KLKB1: variants seen among roughly 807,000 people sequenced by gnomAD.
The protein encoded by KLKB1 is kallikrein B1, also known as plasma kallikrein.
A neutral mutation model predicts 73.6 loss-of-function variants in KLKB1; 58 were observed. The observed-to-expected ratio is 0.79, with a 90% CI of 0.64 to 0.98. The LOEUF (loss-of-function observed/expected upper bound fraction) is 0.98, where lower values mean the gene tolerates loss of function less well. Among genes scored for constraint, KLKB1 ranks in the 50% least tolerant of loss-of-function variants. KLKB1 has a pLI of 0.00. For synonymous variants in KLKB1, 280 were observed against 258.1 expected (o/e 1.08, Z -0.81); for missense variants, 737 against 763.8 (o/e 0.96, Z 0.41).
At chr4:186,238,669 G>A (rs899121318) in intron 6 of KLKB1, among the ~76,000 whole-genome samples, 10 of 152,296 alleles carry the variant, frequency 6.6e-5, no homozygotes, top group Admixed American at 3.3e-4. Context: ...ATGAAGGTCC[G>A]TGAGCCAAGG....
chr4:186,243,992 C>T (rs963605612), intron 6 of KLKB1, among the ~76,000 whole-genome samples: 14 of 152,190 alleles, frequency 9.2e-5, no homozygotes, highest in African/African-American at 3.1e-4. Flanking sequence ...GAGATACAGT[C>T]ATGGGGGTGG....
chr4:186,228,839 A>C (rs2126624508), intron 2 of KLKB1: 1 of 152,588 alleles, frequency 6.6e-6, no homozygotes, highest in Non-Finnish European at 1.5e-5. Flanking sequence ...GGAGAATAAA[A>C]ATGATTCTGG....
At chr4:186,251,670 C>T (rs1738683098) in intron 9 of KLKB1, 21 bp downstream of exon 9, 1 of 1,612,296 alleles carries the variant, frequency 6.2e-7, no homozygotes, top group Non-Finnish European at 8.5e-7. Context: ...TTTTATTTTT[C>T]AAAGACAGTT....
upstream of KLKB1, among the ~76,000 whole-genome samples, chr4:186,226,243 T>TG (rs2126619730): frequency 2.6e-4 from 1 of 3,842 alleles, no homozygotes; most frequent in African/African-American, 4.1e-3. Context: ...TATTTTTAGC[T>TG]CTTGTCATGC....
upstream of KLKB1, among the ~76,000 whole-genome samples, chr4:186,223,290 G>A (rs1737070413): frequency 6.6e-6 from 1 of 152,340 alleles, no homozygotes; most frequent in South Asian, 2.1e-4. Context: ...ACCTGAAAAT[G>A]TGAAGGCAAC....
intron 2 of KLKB1, among the ~76,000 whole-genome samples, chr4:186,217,361 T>C (rs992526825): frequency 6.6e-6 from 1 of 152,166 alleles, no homozygotes; most frequent in Non-Finnish European, 1.5e-5. Context: ...TAAACTCTTT[T>C]CTACTGCACA....
chr4:186,224,969 G>A (rs111583670), upstream of KLKB1, among the ~76,000 whole-genome samples: 474 of 152,266 alleles, frequency 3.1e-3, no homozygotes, highest in African/African-American at 0.011. Flanking sequence ...ATGATAGTGA[G>A]GGATTTAAAA....
At chr4:186,234,548 A>AACATTCT (rs1737558037) in intron 4 of KLKB1, among the ~76,000 whole-genome samples, 1 of 152,208 alleles carries the variant, frequency 6.6e-6, no homozygotes, top group Admixed American at 6.5e-5. Context: ...AATGCTGACC[A>AACATTCT]ACATTCTACA....
At chr4:186,231,475 CT>C (rs1430714156) in intron 2 of KLKB1, among the ~76,000 whole-genome samples, 2 of 152,200 alleles carry the variant, frequency 1.3e-5, no homozygotes, top group African/African-American at 4.8e-5. Flanking sequence ...CATGCATTTG[CT>C]TAAACTGTCT....
At chr4:186,214,837 G>A (rs537396897) in intron 2 of KLKB1, among the ~76,000 whole-genome samples, 1 of 152,228 alleles carries the variant, frequency 6.6e-6, no homozygotes, top group Admixed American at 6.5e-5. Context: ...TATTTCCTTG[G>A]GCTGAATTCA....
Position 186,252,004 on chromosome 4 carries a change from G to T in KLKB1, c.1145-13G>T. The T allele has an allele frequency of 6.2e-7, 1 of 1,614,164 alleles. No homozygotes were observed. Among genetic ancestry groups the T allele is most frequent in the East Asian group, 2.2e-5 (1 of 44,878 alleles). ...TCTAATTCCAACCATTAGCGTCAAC[G>T]CTCTCTTTTCAGTCTGCACAACAAA... On this transcript the variant is annotated splice_polypyrimidine_tract_variant and intron_variant, in intron 10 of 14. Transcript: ENST00000264690.
rs551407400 is a variant in KLKB1, at chr4:186,233,029, C to T, written c.221+740C>T. Reference sequence around the variant, plus strand: ...TCCCAGGTTCAAGCGATTCTCCTGCCTCAGCCTCCCAAGTAGCTGGGATTA... The same window carrying T: ...TCCCAGGTTCAAGCGATTCTCCTGCTTCAGCCTCCCAAGTAGCTGGGATTA... On this transcript the variant is annotated intron_variant, in intron 3 of 14. Transcript: ENST00000264690. Among the ~76,000 whole-genome samples, 5 of 152,302 alleles carry T rather than the reference C, an allele frequency of 3.3e-5. No individual in the cohort carries two copies. In the East Asian group the frequency reaches 9.7e-4, roughly 29 times the overall value.
At position 186,254,698 on chromosome 4, in the gene KLKB1, A is replaced by G. The variant is rs370315439; in HGVS notation, c.1424A>G (p.Tyr475Cys). Residue 475 changes from tyrosine (Y) to cysteine (C), a missense_variant, in exon 12 of 15, where the codon TAT (tyrosine) becomes TGT (cysteine). Tyr to Cys is a radical substitution (Grantham distance 194). Transcript: ENST00000264690. ...QIKEIIIHQN[Y>C]KVSEGNHDIA... Reference sequence around the variant, plus strand: ...AAAGAGATTATTATTCACCAAAACTATAAAGTCTCAGAAGGGAATCATGAT... The same window carrying G: ...AAAGAGATTATTATTCACCAAAACTGTAAAGTCTCAGAAGGGAATCATGAT... 25 of 1,613,796 alleles carry G rather than the reference A, an allele frequency of 1.5e-5. No homozygotes were observed. The highest frequency in any genetic ancestry group is 2.1e-5 in the Non-Finnish European group (25 of 1,179,770).
intron 2 of KLKB1, among the ~76,000 whole-genome samples, chr4:186,230,444 T>C (rs923489546): frequency 9.2e-5 from 14 of 152,204 alleles, no homozygotes; most frequent in African/African-American, 3.1e-4. Context: ...CAAGACTGAA[T>C]AATCTGCCCA....
chr4:186,213,865 T>G (rs1229596012), intron 2 of KLKB1, among the ~76,000 whole-genome samples: 1 of 152,246 alleles, frequency 6.6e-6, no homozygotes, highest in Non-Finnish European at 1.5e-5. Flanking sequence ...TTTAAAAATT[T>G]TTAGTCTGCG....
upstream of KLKB1, among the ~76,000 whole-genome samples, chr4:186,226,920 G>A (rs146601477): frequency 6.6e-6 from 1 of 152,232 alleles, no homozygotes; most frequent in Non-Finnish European, 1.5e-5. Flanking sequence ...TCTAGGTTTT[G>A]TGTGGCCATC....
rs1459751164 is a variant in KLKB1 at position 186,234,013 on chromosome 4, G to A, written c.283G>A (p.Ala95Thr). 5.0e-6 allele frequency: 8 copies of A among 1,613,932 alleles called. No individual in the cohort carries two copies. The African/African-American group carries it at 1.1e-4, about 22-fold the overall frequency. The change falls in exon 4 of 15, where the codon GCA (alanine) becomes ACA (threonine). Residue 95 changes from alanine (A) to threonine (T), a missense_variant. Coordinates refer to ENST00000264690, the MANE Select transcript of KLKB1 (RefSeq NM_000892.5). ...GTLPKVHRTG[A>T]VSGHSLKQCG... ...CCTGCCAAAAGTACATCGAACAGGT[G>A]CAGTTTCTGGACATTCCTTGAAGCA... is the stretch of plus-strand genomic sequence containing the variant.
chr4:186,253,727 G>T (rs1018949789), intron 11 of KLKB1, among the ~76,000 whole-genome samples: 2 of 151,968 alleles, frequency 1.3e-5, no homozygotes, highest in Non-Finnish European at 2.9e-5. Context: ...ATAAGGCTTT[G>T]CTTTAGATCA....
In KLKB1 at chr4:186,258,319, C is replaced by T. The variant is rs1739130764; in HGVS notation, c.*107C>T. 1 of 1,000,494 alleles carries T rather than the reference C, an allele frequency of 1.0e-6. No individual in the cohort carries two copies. The highest frequency in any genetic ancestry group is 2.6e-5 in the East Asian group (1 of 38,478). 62.0% of individuals were successfully genotyped at this position (1,000,494 alleles called of 1,614,324 possible). ...ATGGAGAGTGGCATCTTCTTTGCAT[C>T]CTAAGGACGAAAAACACAGTGCACT... On this transcript the variant is annotated 3_prime_UTR_variant, in exon 15 of 15. Coordinates refer to ENST00000264690, the MANE Select transcript of KLKB1 (RefSeq NM_000892.5).
Sources: gnomAD v4.1 joint callset for allele counts (sites outside exome capture counted in the v4.1 genomes callset) on GRCh38, gnomAD v4.1.1 for gene constraint, MANE v1.5 for transcripts, NCBI Gene and HGNC (gene_info 2026-07-23, HGNC 2026-07-21) for gene names.